The following SHMT1 variants were observed in gnomAD, a reference collection of about 807,000 sequenced individuals.
The protein encoded by SHMT1 is serine hydroxymethyltransferase 1.
In SHMT1, 45 loss-of-function variants were observed where a neutral mutation model predicts 49.0. That is an observed-to-expected ratio of 0.92 (90% CI 0.72 to 1.18). SHMT1 has a LOEUF of 1.18. SHMT1 is among the 50% of genes most tolerant of loss of function. The pLI is 0.00. For synonymous variants in SHMT1, 232 were observed against 246.6 expected (o/e 0.94, Z 0.55); for missense variants, 541 against 612.4 (o/e 0.88, Z 1.23).
At chr17:18,334,842 G>A (rs1983619735) in intron 8 of SHMT1, among the ~76,000 whole-genome samples, 1 of 152,186 alleles carries the variant, frequency 6.6e-6, no homozygotes, top group Admixed American at 6.5e-5. Context: ...GTGTAGGTGT[G>A]ATGGGAGAAC....
chr17:18,332,893 C>T, intron 9 of SHMT1: 1 of 480,894 alleles, frequency 2.1e-6, no homozygotes, highest in Admixed American at 2.8e-5. Context: ...GGTCATCCTC[C>T]TGCAAAGCTG....
chr17:18,357,890 G>C (rs1235529115), intron 1 of SHMT1, among the ~76,000 whole-genome samples: 1 of 136,616 alleles, frequency 7.3e-6, no homozygotes, highest in Non-Finnish European at 1.5e-5. Flanking sequence ...TTGAGACAGA[G>C]TCTCACTCTG....
intron 9 of SHMT1, chr17:18,330,892 A>G (rs1983139675): frequency 1.7e-6 from 1 of 576,690 alleles, no homozygotes. Flanking sequence ...CTGATCATAC[A>G]GCAGAGGGCC....
intron 7 of SHMT1, among the ~76,000 whole-genome samples, chr17:18,336,651 A>G (rs1983827895): frequency 1.3e-5 from 2 of 150,916 alleles, no homozygotes. Flanking sequence ...GGGCGACAAG[A>G]GCAAAACTCC....
At chr17:18,357,918 C>T (rs2151607859) in intron 1 of SHMT1, among the ~76,000 whole-genome samples, 1 of 141,698 alleles carries the variant, frequency 7.1e-6, no homozygotes, top group East Asian at 2.1e-4. Context: ...GGCTGGAGTA[C>T]AGTGGCGCGA....
intron 1 of SHMT1, among the ~76,000 whole-genome samples, chr17:18,361,711 G>A (rs1360399079): frequency 1.3e-5 from 2 of 151,900 alleles, no homozygotes; most frequent in African/African-American, 2.4e-5. Context: ...GCGTGAACCC[G>A]GGAGGCGGAG....
intron 3 of SHMT1, among the ~76,000 whole-genome samples, chr17:18,352,184 C>T (rs11078415): frequency 0.22 from 31,504 of 143,310 alleles, 3,623 homozygotes; most frequent in East Asian, 0.3. Flanking sequence ...GGCTCGCTAT[C>T]GCCCAGGCTA....
intron 3 of SHMT1, among the ~76,000 whole-genome samples, chr17:18,352,365 C>G (rs543192496): frequency 6.6e-6 from 1 of 152,180 alleles, no homozygotes; most frequent in Non-Finnish European, 1.5e-5. Flanking sequence ...CCAGGATGGT[C>G]TCGATCTCCT....
intron 5 of SHMT1, among the ~76,000 whole-genome samples, chr17:18,345,490 C>T (rs1382602780): frequency 1.1e-4 from 17 of 151,784 alleles, no homozygotes; most frequent in Admixed American, 9.9e-4. Context: ...CTCCTGACCT[C>T]GGATGATCCG....
intron 1 of SHMT1, among the ~76,000 whole-genome samples, chr17:18,357,454 C>T (rs1471440974): frequency 6.6e-6 from 1 of 151,792 alleles, no homozygotes; most frequent in Non-Finnish European, 1.5e-5. Context: ...TAATGATGAA[C>T]AGGATATAGG....
At chr17:18,346,019 A>G (rs1385465226) in intron 5 of SHMT1, among the ~76,000 whole-genome samples, 1 of 152,106 alleles carries the variant, frequency 6.6e-6, no homozygotes, top group Admixed American at 6.6e-5. Context: ...ACATGTTTCA[A>G]AATCTAGCTT....
chr17:18,355,293 C>T (rs1475582576), intron 2 of SHMT1, among the ~76,000 whole-genome samples: 2 of 150,638 alleles, frequency 1.3e-5, no homozygotes, highest in East Asian at 3.9e-4. Context: ...TGGCATGAAC[C>T]CAGGAGGTGG....
At chr17:18,350,913 A>G (rs1985623165) in intron 3 of SHMT1, among the ~76,000 whole-genome samples, 1 of 151,136 alleles carries the variant, frequency 6.6e-6, no homozygotes, top group African/African-American at 2.4e-5. Flanking sequence ...TTGTATTTTT[A>G]GTAGAGACAG....
intron 5 of SHMT1, among the ~76,000 whole-genome samples, chr17:18,347,202 C>A (rs1400777859): frequency 1.3e-5 from 2 of 152,242 alleles, no homozygotes; most frequent in East Asian, 3.9e-4. Flanking sequence ...GGTTGCTATT[C>A]CCCAGGGTTG....
At position 18,352,892 on chromosome 17, in the gene SHMT1, GGAAAAA is replaced by G. The variant is rs1211296965; in HGVS notation, c.242+774_242+779del. Among the ~76,000 whole-genome samples, 9 of 150,452 alleles carry G rather than the reference GGAAAAA, an allele frequency of 6.0e-5. No homozygotes were observed. In the East Asian group the frequency reaches 1.8e-3, roughly 29 times the overall value. ...TAGCCTGAAAGAAGAAAGAAAGGAA[GGAAAAA>G]GAAAAAGAAAGGAGAGAGAGAAATA... is the stretch of plus-strand genomic sequence containing the variant. On this transcript the variant is annotated intron_variant, in intron 3 of 11. Coordinates refer to ENST00000316694, the MANE Select transcript of SHMT1 (RefSeq NM_004169.5).
intron 1 of SHMT1, among the ~76,000 whole-genome samples, chr17:18,362,039 A>T (rs529329910): frequency 6.6e-6 from 1 of 152,322 alleles, no homozygotes; most frequent in East Asian, 1.9e-4. Context: ...CTGTCACATA[A>T]GAGGATCCAG....
chr17:18,331,487 A>G (rs1983203408), intron 9 of SHMT1: 1 of 153,632 alleles, frequency 6.5e-6, no homozygotes, highest in African/African-American at 2.4e-5. Context: ...TACTGGACAT[A>G]GTGCTTCTCA....
In SHMT1 at chr17:18,340,959, G is replaced by C. The variant is rs780094865; in HGVS notation, c.520-146C>G. ...TGAGGGTGAGACAGGATGGATACTG[G>C]TGTGTTCAGCCTGCTCAACCAAGTA... On this transcript the variant is annotated intron_variant, in intron 5 of 11. Transcript: ENST00000316694. This position sits in a 1 kb window ranked among gnomAD's most constrained non-coding sequence, Gnocchi z 4.5. 1 of 696,922 alleles carries C rather than the reference G, an allele frequency of 1.4e-6. No homozygotes were observed. The highest frequency in any genetic ancestry group is 2.6e-6 in the Non-Finnish European group (1 of 385,366). The allele number at this position is 696,922 out of a possible 1,614,324, so 43.2% of individuals were successfully genotyped here. A position where few individuals can be genotyped will look rare whatever the true frequency, so the allele number is the denominator to read the frequency against.
Position 18,328,430 on chromosome 17 carries a change from G to C in SHMT1, c.*320C>G, listed in dbSNP as rs2151558650. On this transcript the variant is annotated 3_prime_UTR_variant, in exon 12 of 12. Coordinates refer to ENST00000316694, the MANE Select transcript of SHMT1 (RefSeq NM_004169.5). Reference sequence around the variant, plus strand: ...GTAAAACGCTACAATCTTTCTAACAGCTTTGCCCTACACCACCATCTAAAT... The same window carrying C: ...GTAAAACGCTACAATCTTTCTAACACCTTTGCCCTACACCACCATCTAAAT... The C allele has an allele frequency of 5.2e-6, 2 of 381,014 alleles. No individual in the cohort carries two copies. Among genetic ancestry groups the C allele is most frequent in the South Asian group, 2.4e-5 (1 of 42,278 alleles). 23.6% of individuals were successfully genotyped at this position (381,014 alleles called of 1,614,324 possible).
Sources: allele counts gnomAD v4.1 joint callset (sites outside exome capture counted in the v4.1 genomes callset), GRCh38; gene constraint gnomAD v4.1.1; non-coding constraint Gnocchi (gnomAD v3.1); transcripts MANE v1.5; gene names NCBI Gene and HGNC (gene_info 2026-07-23, HGNC 2026-07-21).